The following LUZP2 variants were observed in gnomAD, a reference collection of about 807,000 sequenced individuals.
LUZP2 encodes the protein leucine zipper protein 2.
In LUZP2, 52 loss-of-function variants were observed where a neutral mutation model predicts 51.6. The observed-to-expected ratio is 1.01, with a 90% CI of 0.81 to 1.27. The LOEUF (loss-of-function observed/expected upper bound fraction) is 1.27, where lower values mean the gene tolerates loss of function less well. LUZP2 is among the 50% of genes most tolerant of loss of function. LUZP2 has a pLI of 0.00. For synonymous variants in LUZP2, 154 were observed against 137.3 expected (o/e 1.12, Z -0.85); for missense variants, 436 against 395.4 (o/e 1.10, Z -0.87).
intron 7 of LUZP2, among the ~76,000 whole-genome samples, chr11:24,951,629 G>A (rs1855083280): frequency 3.3e-5 from 5 of 150,870 alleles, no homozygotes; most frequent in Non-Finnish European, 1.5e-5. Flanking sequence ...ATTAGCTCAA[G>A]TAAAATATAT....
chr11:24,753,589 A>C (rs929852777), intron 4 of LUZP2, among the ~76,000 whole-genome samples: 1 of 152,182 alleles, frequency 6.6e-6, no homozygotes, highest in Non-Finnish European at 1.5e-5. Context: ...ATCAGATACA[A>C]CGCTCATTCC....
In LUZP2 at chr11:24,800,313, G is replaced by A. The variant is rs139223880; in HGVS notation, c.396+37005G>A. 2.1e-3 allele frequency among the ~76,000 whole-genome samples: 322 copies of A among 152,126 alleles called. 1 individual carries two copies. Among genetic ancestry groups the A allele is most frequent in the South Asian group, 0.02 (98 of 4,818 alleles). On this transcript the variant is annotated intron_variant, in intron 5 of 11. Transcript: ENST00000336930. ...TGGCCCCCTCCTCCTGCCTTGCCAC[G>A]CTAGATTGTCTGTCACATTGTGTAG...
intron 5 of LUZP2, among the ~76,000 whole-genome samples, chr11:24,839,538 A>G (rs1850960133): frequency 6.6e-6 from 1 of 151,744 alleles, no homozygotes. Context: ...GTACAATTCA[A>G]TATTGATGAG....
At chr11:24,807,927 G>C (rs1009254260) in intron 5 of LUZP2, among the ~76,000 whole-genome samples, 2 of 152,092 alleles carry the variant, frequency 1.3e-5, no homozygotes, top group African/African-American at 4.8e-5. Context: ...ACTAAGATCA[G>C]AAGAAAATTA....
chr11:24,828,044 C>G (rs901096744), intron 5 of LUZP2, among the ~76,000 whole-genome samples: 1 of 151,996 alleles, frequency 6.6e-6, no homozygotes, highest in Non-Finnish European at 1.5e-5. Context: ...CACACACACA[C>G]ACACATACAC....
intron 7 of LUZP2, among the ~76,000 whole-genome samples, chr11:24,966,901 TTA>T (rs956812825): frequency 2.0e-5 from 3 of 147,548 alleles, no homozygotes; most frequent in Non-Finnish European, 3.0e-5. Flanking sequence ...AATATATATA[TTA>T]TATATATATA....
chr11:24,951,118 A>C (rs1317936416), intron 7 of LUZP2, among the ~76,000 whole-genome samples: 3 of 151,562 alleles, frequency 2.0e-5, no homozygotes, highest in African/African-American at 4.8e-5. Context: ...CTGGGAATAA[A>C]ATGTACATTA....
intron 5 of LUZP2, among the ~76,000 whole-genome samples, chr11:24,889,966 T>C (rs1477567222): frequency 1.3e-5 from 2 of 152,166 alleles, no homozygotes; most frequent in Non-Finnish European, 2.9e-5. Context: ...TGATGTTCAT[T>C]TCTCTGCTTT....
At chr11:24,938,471 A>G (rs527628444) in intron 7 of LUZP2, among the ~76,000 whole-genome samples, 2 of 152,284 alleles carry the variant, frequency 1.3e-5, no homozygotes, top group East Asian at 3.9e-4. Flanking sequence ...ATTTGGTTTT[A>G]TACTTTGTTC....
chr11:24,732,583 T>C (rs1009631238), intron 3 of LUZP2, among the ~76,000 whole-genome samples: 22 of 151,652 alleles, frequency 1.5e-4, no homozygotes, highest in African/African-American at 5.3e-4. Context: ...GTAATAATGA[T>C]GTGGTGGTAA....
intron 5 of LUZP2, among the ~76,000 whole-genome samples, chr11:24,901,865 T>A (rs552488167): frequency 1.1e-4 from 17 of 152,282 alleles, no homozygotes; most frequent in African/African-American, 3.8e-4. Flanking sequence ...GAGTCCCATC[T>A]CTCTCCCTTA....
chr11:24,952,154 C>T (rs1855096467), intron 7 of LUZP2, among the ~76,000 whole-genome samples: 1 of 151,546 alleles, frequency 6.6e-6, no homozygotes. Flanking sequence ...AAAAAAAGAA[C>T]ATCTTTCTTT....
At chr11:24,912,766 C>A (rs960742467) in intron 6 of LUZP2, among the ~76,000 whole-genome samples, 6 of 152,020 alleles carry the variant, frequency 3.9e-5, no homozygotes, top group African/African-American at 1.5e-4. Flanking sequence ...GCTGAGAATG[C>A]GCCACTGCAC....
In LUZP2 at chr11:24,924,769, A is replaced by C. The variant is rs551775084; in HGVS notation, c.522+10231A>C. On this transcript the variant is annotated intron_variant, in intron 7 of 11. Transcript: ENST00000336930. ...AGAAAGGTGGAACAACTTGAAGCTT[A>C]GGCTAGGGAGATGATAGGTGGATTT... Among the ~76,000 whole-genome samples the C allele has an allele frequency of 1.5e-3, 233 of 152,304 alleles. 2 individuals are homozygous for C. In the South Asian group the frequency reaches 0.017, roughly 11 times the overall value.
intron 1 of LUZP2, among the ~76,000 whole-genome samples, chr11:24,659,932 G>T (rs1367482249): frequency 2.0e-5 from 3 of 152,034 alleles, no homozygotes; most frequent in African/African-American, 7.2e-5. Context: ...AGATTAGATG[G>T]CAAAGGTGAG....
chr11:24,986,991 C>A (rs986797731), intron 9 of LUZP2, among the ~76,000 whole-genome samples: 1 of 151,652 alleles, frequency 6.6e-6, no homozygotes, highest in Admixed American at 6.6e-5. Context: ...AATTTTAATA[C>A]CTTGATCAAA....
intron 9 of LUZP2, among the ~76,000 whole-genome samples, chr11:25,015,375 C>G (rs922999194): frequency 1.1e-4 from 16 of 152,230 alleles, no homozygotes; most frequent in Admixed American, 8.5e-4. Flanking sequence ...TTGTACAATA[C>G]TATTACCAAA....
chr11:24,925,899 C>A (rs938680074), intron 7 of LUZP2, among the ~76,000 whole-genome samples: 2 of 151,840 alleles, frequency 1.3e-5, no homozygotes, highest in African/African-American at 4.8e-5. Context: ...CTCCCTCGCA[C>A]TTTTTCTTTT....
At chr11:24,584,204 C>A (rs1359558151) in intron 1 of LUZP2, among the ~76,000 whole-genome samples, 1 of 152,098 alleles carries the variant, frequency 6.6e-6, no homozygotes, top group Non-Finnish European at 1.5e-5. Flanking sequence ...TATGGACAGA[C>A]CAAATGAAGC....
Sources: allele counts gnomAD v4.1 joint callset (sites outside exome capture counted in the v4.1 genomes callset), GRCh38; gene constraint gnomAD v4.1.1; transcripts MANE v1.5; gene names NCBI Gene and HGNC (gene_info 2026-07-23, HGNC 2026-07-21).